The following ITPRID1 variants were observed in gnomAD, a reference collection of about 807,000 sequenced individuals.
ITPRID1 encodes ITPR interacting domain containing 1.
ITPRID1 carries 96 observed loss-of-function variants against 95.4 expected under a neutral mutation model. That is an observed-to-expected ratio of 1.01 (90% CI 0.85 to 1.19). The LOEUF (loss-of-function observed/expected upper bound fraction) is 1.19, where lower values mean the gene tolerates loss of function less well. Among genes scored for constraint, ITPRID1 ranks in the 50% most tolerant of loss-of-function variants. The pLI, the probability that ITPRID1 is intolerant of heterozygous loss-of-function variation, is 0.00. For missense variants in ITPRID1, 1,339 were observed against 1,252.9 expected, an observed-to-expected ratio of 1.07 and a Z score of -1.04; for synonymous variants, 510 against 453.6, an observed-to-expected ratio of 1.12 and a Z score of -1.58.
chr7:31,621,063 A>C (rs1157101096), intron 10 of ITPRID1, among the ~76,000 whole-genome samples: 3 of 151,866 alleles, frequency 2.0e-5, no homozygotes, highest in Admixed American at 6.6e-5. Flanking sequence ...GAGAAAAAAG[A>C]ATAAAAAGAA....
rs1349755260 is a variant in ITPRID1, at chr7:31,651,992, C to T, written c.2765C>T (p.Ala922Val). 1.9e-6 allele frequency: 3 copies of T among 1,606,440 alleles called. No homozygotes were observed. In the South Asian group the frequency reaches 3.4e-5, roughly 18 times the overall value. Reference protein sequence around the residue: ...TLREALRQQVAELEFQLGDRA... With the variant: ...TLREALRQQVVELEFQLGDRA... The stretch of plus-strand genomic sequence containing the variant: ...CGTGAGGCCCTGAGGCAGCAGGTGG[C>T]AGAGTTGGAATTTCAGTTAGGAGAC... Residue 922 changes from alanine (A) to valine (V), a missense_variant, in exon 14 of 15, where the codon GCA (alanine) becomes GTA (valine). Transcript: ENST00000615280.
chr7:31,582,254 G>A (rs1050931815), intron 9 of ITPRID1, among the ~76,000 whole-genome samples: 1 of 152,106 alleles, frequency 6.6e-6, no homozygotes, highest in African/African-American at 2.4e-5. Flanking sequence ...CATTAAAGAT[G>A]ATGTTTTCAA....
chr7:31,617,090 G>A (rs1440013343), intron 10 of ITPRID1, among the ~76,000 whole-genome samples: 1 of 152,216 alleles, frequency 6.6e-6, no homozygotes, highest in Non-Finnish European at 1.5e-5. Context: ...AAAGATGGTT[G>A]CACTTCAGTG....
chr7:31,588,740 C>A (rs1193050784), intron 10 of ITPRID1, among the ~76,000 whole-genome samples: 1 of 150,302 alleles, frequency 6.7e-6, no homozygotes, highest in Non-Finnish European at 1.5e-5. Flanking sequence ...AGGAGAGAAC[C>A]AAGGAGGAAA....
intron 10 of ITPRID1, among the ~76,000 whole-genome samples, chr7:31,598,342 C>T (rs867839841): frequency 2.0e-5 from 3 of 149,020 alleles, no homozygotes; most frequent in Non-Finnish European, 4.4e-5. Context: ...AGGTAATTTG[C>T]AATTTATATA....
At chr7:31,596,506 C>A (rs567171444) in intron 10 of ITPRID1, among the ~76,000 whole-genome samples, 1 of 151,608 alleles carries the variant, frequency 6.6e-6, no homozygotes, top group East Asian at 1.9e-4. Flanking sequence ...AATACTAATA[C>A]TTGAACAAAT....
chr7:31,586,319 T>G (rs1489351419), intron 10 of ITPRID1, among the ~76,000 whole-genome samples: 136 of 148,914 alleles, frequency 9.1e-4, no homozygotes, highest in African/African-American at 2.9e-3. Context: ...TGTGTCTTTA[T>G]AGCAGCATGA....
downstream of ITPRID1, among the ~76,000 whole-genome samples, chr7:31,657,253 T>C (rs1298614019): frequency 9.6e-6 from 1 of 104,702 alleles, no homozygotes; most frequent in Non-Finnish European, 2.1e-5. Flanking sequence ...GAGTTGACTC[T>C]GATTTCCTGA....
At chr7:31,549,123 C>T (rs939612126) in intron 1 of ITPRID1, among the ~76,000 whole-genome samples, 3 of 152,094 alleles carry the variant, frequency 2.0e-5, no homozygotes, top group Non-Finnish European at 2.9e-5. Flanking sequence ...TCTTGGCCAC[C>T]GAGTTTAATC....
intron 10 of ITPRID1, among the ~76,000 whole-genome samples, chr7:31,604,536 C>G (rs1262806815): frequency 2.0e-5 from 3 of 152,140 alleles, no homozygotes; most frequent in Non-Finnish European, 4.4e-5. Context: ...GTATTAAAAT[C>G]AAGGTATGGT....
Position 31,549,484 on chromosome 7 carries a change from C to G in ITPRID1, c.-39C>G. ...AGAAGAGAAGGAAAAAGAAAGAAAACTGACCAATATGAGTGGTGATTGTTT... is the reference window on the plus strand; with the variant it reads ...AGAAGAGAAGGAAAAAGAAAGAAAAGTGACCAATATGAGTGGTGATTGTTT... On this transcript the variant is annotated 5_prime_UTR_variant, in exon 2 of 15. Transcript: ENST00000615280. 1 of 1,524,178 alleles carries G rather than the reference C, an allele frequency of 6.6e-7. No homozygotes were observed. The highest frequency in any genetic ancestry group is 8.8e-7 in the Non-Finnish European group (1 of 1,141,924). The allele number at this position is 1,524,178 out of a possible 1,614,324, so 94.4% of individuals were successfully genotyped here. A position where few individuals can be genotyped will look rare whatever the true frequency, so the allele number is the denominator to read the frequency against.
chr7:31,553,961 C>T (rs1162223400), intron 3 of ITPRID1, among the ~76,000 whole-genome samples: 3 of 152,158 alleles, frequency 2.0e-5, no homozygotes, highest in Non-Finnish European at 4.4e-5. Flanking sequence ...CACAGGGTGC[C>T]TTTGGCAATC....
At chr7:31,630,000 A>C (rs1164379937) in intron 10 of ITPRID1, among the ~76,000 whole-genome samples, 4 of 152,176 alleles carry the variant, frequency 2.6e-5, no homozygotes, top group African/African-American at 4.8e-5. Flanking sequence ...ACACACACAC[A>C]CAAAATTGCT....
chr7:31,596,385 T>C (rs2128157246), intron 10 of ITPRID1, among the ~76,000 whole-genome samples: 1 of 32,738 alleles, frequency 3.1e-5, no homozygotes, highest in East Asian at 8.6e-4. Flanking sequence ...AGAAACCTCA[T>C]AGGAAATTCT....
At chr7:31,533,619 T>C (rs1042630381) in intron 1 of ITPRID1, among the ~76,000 whole-genome samples, 1 of 152,194 alleles carries the variant, frequency 6.6e-6, no homozygotes, top group Admixed American at 6.5e-5. Context: ...CACTTTCCTC[T>C]AATTACTTCC....
intron 5 of ITPRID1, chr7:31,555,133 A>G (rs539430368): frequency 3.3e-5 from 16 of 481,738 alleles, no homozygotes; most frequent in South Asian, 3.2e-4. Flanking sequence ...CATATCATCA[A>G]TGGCTCAGAG....
chr7:31,616,244 A>G (rs974343107), intron 10 of ITPRID1, among the ~76,000 whole-genome samples: 3 of 152,168 alleles, frequency 2.0e-5, no homozygotes, highest in Non-Finnish European at 1.5e-5. Flanking sequence ...CTTTTTGATT[A>G]ATTTAAATGT....
intron 1 of ITPRID1, among the ~76,000 whole-genome samples, chr7:31,519,578 A>ATCTCGC (rs1175787772): frequency 2.7e-5 from 1 of 37,446 alleles, no homozygotes; most frequent in Admixed American, 4.3e-4. Flanking sequence ...TATTTCTGGT[A>ATCTCGC]TCTCTCTCTC....
At chr7:31,525,307 T>A (rs1385362404) in intron 1 of ITPRID1, among the ~76,000 whole-genome samples, 1 of 152,190 alleles carries the variant, frequency 6.6e-6, no homozygotes, top group Non-Finnish European at 1.5e-5. Context: ...ATACAGGGTG[T>A]CTCAATGTCA....
Sources: allele counts gnomAD v4.1 joint callset (sites outside exome capture counted in the v4.1 genomes callset), GRCh38; gene constraint gnomAD v4.1.1; transcripts MANE v1.5; gene names NCBI Gene and HGNC (gene_info 2026-07-23, HGNC 2026-07-21).